PEAK1: variants seen among roughly 807,000 people sequenced by gnomAD.
PEAK1 encodes pseudopodium enriched atypical kinase 1.
PEAK1 carries 54 observed loss-of-function variants against 124.7 expected under a neutral mutation model. That is an observed-to-expected ratio of 0.43 (90% CI 0.35 to 0.54). The LOEUF (loss-of-function observed/expected upper bound fraction) is 0.54. Ranked by LOEUF, PEAK1 falls within the 20% of genes least tolerant of loss-of-function variation. The pLI, the probability that PEAK1 is intolerant of heterozygous loss-of-function variation, is 0.01. For synonymous variants in PEAK1, 719 were observed against 760.0 expected, an observed-to-expected ratio of 0.95 and a Z score of 0.89; for missense variants, 2,046 against 2,134.5, an observed-to-expected ratio of 0.96 and a Z score of 0.82.
Position 77,402,130 on chromosome 15 carries a change from C to G in PEAK1, c.-666+17876G>C, listed in dbSNP as rs1326665711. Reference sequence around the variant, plus strand: ...GGGATAATTGTTTCAACCCGGGAGGCAGAGGTTGTAGTGAGCCAAGAGGGA... The same window carrying G: ...GGGATAATTGTTTCAACCCGGGAGGGAGAGGTTGTAGTGAGCCAAGAGGGA... On this transcript the variant is annotated intron_variant, in intron 1 of 9. Transcript: ENST00000682557. 10 of 927,504 alleles carry G rather than the reference C, an allele frequency of 1.1e-5. No homozygotes were observed. In the African/African-American group the frequency reaches 1.9e-4, roughly 18 times the overall value. The allele number at this position is 927,504 out of a possible 1,614,324, so 57.5% of individuals were successfully genotyped here.
chr15:77,233,160 G>A (rs1055428411), intron 6 of PEAK1, among the ~76,000 whole-genome samples: 33 of 152,132 alleles, frequency 2.2e-4, no homozygotes, highest in African/African-American at 7.5e-4. Flanking sequence ...CTTGTACTCC[G>A]GTTTCCCTCT....
chr15:77,127,757 C>T (rs1373351389), intron 9 of PEAK1, among the ~76,000 whole-genome samples: 1 of 152,126 alleles, frequency 6.6e-6, no homozygotes, highest in Admixed American at 6.6e-5. Flanking sequence ...AACGTGAAGA[C>T]TTGGAAAATT....
At chr15:77,352,670 T>C (rs1181531475) in intron 2 of PEAK1, 4 of 948,514 alleles carry the variant, frequency 4.2e-6, no homozygotes, top group South Asian at 9.7e-5. Context: ...GTTTATGATA[T>C]AGAGTATTAA....
intron 2 of PEAK1, chr15:77,353,007 G>C: frequency 1.0e-6 from 1 of 985,150 alleles, no homozygotes; most frequent in African/African-American, 1.7e-5. Flanking sequence ...AAACACTCTG[G>C]CAAGCATCTG....
At chr15:77,300,310 G>A (rs1223784900) in intron 2 of PEAK1, among the ~76,000 whole-genome samples, 1 of 152,220 alleles carries the variant, frequency 6.6e-6, no homozygotes, top group African/African-American at 2.4e-5. Context: ...TTGACTACAG[G>A]ATGTTTGAGG....
chr15:77,114,302 G>C lies in PEAK1; in HGVS notation c.5095C>G (p.Arg1699Gly), dbSNP rs34004337. The change falls in exon 10 of 10, where the codon CGA (arginine) becomes GGA (glycine). Residue 1699 changes from arginine (R) to glycine (G), a missense_variant. Coordinates refer to ENST00000682557, the MANE Select transcript of PEAK1 (RefSeq NM_001385026.1). The stretch of plus-strand genomic sequence containing the variant: ...GCAAACTTGATCATGAGCAGTGTTC[G>C]CTTGATGTCTAGCCAGTTTTGGAGC... ...TLLQNWLDIK[R>G]TLLMIKFAEK... The C allele has an allele frequency of 4.6e-4, 738 of 1,614,186 alleles. 4 individuals are homozygous for C. Among genetic ancestry groups the C allele is most frequent in the Non-Finnish European group, 8.6e-5 (101 of 1,180,018 alleles).
Position 77,181,335 on chromosome 15 carries a change from T to C in PEAK1, c.592A>G (p.Ile198Val), listed in dbSNP as rs375225168. The part of the protein sequence containing the change: ...LERKLPPSCM[I>V]GGIKETQGKH... ...CCCTGAGTTTCCTTTATCCCACCTA[T>C]CATGCAACTTGGTGGAAGCTTTCTT... Residue 198 changes from isoleucine to valine, a missense_variant, in exon 7 of 10, where the codon ATA becomes GTA. Ile to Val is a conservative substitution (Grantham distance 29). Coordinates refer to ENST00000682557, the MANE Select transcript of PEAK1 (RefSeq NM_001385026.1). 32 of 1,614,054 alleles carry C rather than the reference T, an allele frequency of 2.0e-5. No homozygotes were observed. The highest frequency in any genetic ancestry group is 1.6e-4 in the Middle Eastern group (1 of 6,084).
chr15:77,341,766 G>C (rs1197884407), intron 2 of PEAK1, among the ~76,000 whole-genome samples: 2 of 152,048 alleles, frequency 1.3e-5, no homozygotes, highest in Admixed American at 1.3e-4. Flanking sequence ...TTCAGAAATT[G>C]CAAGAGTTAT....
chr15:77,396,900 G>A lies in PEAK1; in HGVS notation c.-666+23106C>T, dbSNP rs566629255. ...ACTTCAGCATCCCATTTTCAGCACTGGACAGATCATCCAGACAGAAAAGAA... is the reference window on the plus strand; with the variant it reads ...ACTTCAGCATCCCATTTTCAGCACTAGACAGATCATCCAGACAGAAAAGAA... On this transcript the variant is annotated intron_variant, in intron 1 of 9. Transcript: ENST00000682557. Among the ~76,000 whole-genome samples the A allele has an allele frequency of 2.6e-5, 4 of 152,210 alleles. No individual in the cohort carries two copies. In the East Asian group the frequency reaches 7.7e-4, roughly 29 times the overall value.
chr15:77,398,814 A>T (rs2071114015), intron 1 of PEAK1, among the ~76,000 whole-genome samples: 1 of 152,208 alleles, frequency 6.6e-6, no homozygotes. Context: ...GGAAAGAAAG[A>T]AGTCAAATTA....
At chr15:77,366,324 G>GA (rs1225990885) in intron 1 of PEAK1, among the ~76,000 whole-genome samples, 1 of 151,908 alleles carries the variant, frequency 6.6e-6, no homozygotes, top group Non-Finnish European at 1.5e-5. Flanking sequence ...TCTCTGAAGA[G>GA]AAAAAAACAA....
At chr15:77,166,122 CCAA>C (rs2056080273) in intron 7 of PEAK1, among the ~76,000 whole-genome samples, 1 of 152,036 alleles carries the variant, frequency 6.6e-6, no homozygotes, top group African/African-American at 2.4e-5. Flanking sequence ...AATAAACAAA[CCAA>C]AAAAGTTAAT....
At chr15:77,316,363 T>C (rs1019963831) in intron 2 of PEAK1, among the ~76,000 whole-genome samples, 3 of 152,198 alleles carry the variant, frequency 2.0e-5, no homozygotes, top group African/African-American at 7.2e-5. Context: ...TATATGTATA[T>C]ATCTATTTAT....
intron 1 of PEAK1, among the ~76,000 whole-genome samples, chr15:77,414,195 CCTTCTTTCCTT>C (rs1361270635): frequency 2.0e-5 from 3 of 148,152 alleles, no homozygotes; most frequent in African/African-American, 7.5e-5. Context: ...GTCTTTCCTT[CCTTCTTTCCTT>C]CTTTTTTTTT....
rs562634461 is a variant in PEAK1 at position 77,174,446 on chromosome 15, T to A, written c.3137+4344A>T. ...CTGAAACACAAATGTTGACATTTGA[T>A]GGTAATGTTTTCCTTATCAAAGTTG... On this transcript the variant is annotated intron_variant, in intron 7 of 9. Coordinates refer to ENST00000682557, the MANE Select transcript of PEAK1 (RefSeq NM_001385026.1). Among the ~76,000 whole-genome samples the A allele has an allele frequency of 7.3e-4, 111 of 152,348 alleles. No homozygotes were observed. In the South Asian group the frequency reaches 0.022, roughly 30 times the overall value.
chr15:77,368,966 T>G (rs921007892), intron 1 of PEAK1, among the ~76,000 whole-genome samples: 9 of 152,246 alleles, frequency 5.9e-5, no homozygotes, highest in African/African-American at 2.2e-4. Context: ...TAAATCACTA[T>G]GTTTAATTAT....
intron 6 of PEAK1, among the ~76,000 whole-genome samples, chr15:77,225,954 C>T (rs544199900): frequency 2.4e-4 from 34 of 143,530 alleles, no homozygotes; most frequent in African/African-American, 6.3e-4. Flanking sequence ...CTGAGCATTA[C>T]GCTCTAAGTA....
chr15:77,299,449 T>C (rs376318310), intron 2 of PEAK1, among the ~76,000 whole-genome samples: 34 of 152,302 alleles, frequency 2.2e-4, no homozygotes, highest in African/African-American at 6.7e-4. Context: ...ATCATCAAAA[T>C]TGACAAATTA....
chr15:77,211,098 A>G (rs545137096), intron 6 of PEAK1, among the ~76,000 whole-genome samples: 14 of 152,142 alleles, frequency 9.2e-5, no homozygotes, highest in Non-Finnish European at 1.6e-4. Context: ...AAAACAGGCA[A>G]ACACATCCAT....
Sources: gnomAD v4.1 joint callset for allele counts (sites outside exome capture counted in the v4.1 genomes callset) on GRCh38, gnomAD v4.1.1 for gene constraint, MANE v1.5 for transcripts, NCBI Gene and HGNC (gene_info 2026-07-23, HGNC 2026-07-21) for gene names.